NRXN3: variants seen among roughly 807,000 people sequenced by gnomAD.
The protein encoded by NRXN3 is neurexin III.
A neutral mutation model predicts 137.6 loss-of-function variants in NRXN3; 32 were observed. The ratio of observed to expected loss-of-function variants is 0.23; its 90% CI spans 0.18 to 0.31. The LOEUF is 0.31. Among genes scored for constraint, NRXN3 ranks in the 10% least tolerant of loss-of-function variants. The pLI, the probability that NRXN3 is intolerant of heterozygous loss-of-function variation, is 1.00. For missense variants in NRXN3, 1,574 were observed against 2,062.5 expected (o/e 0.76, Z 4.59); for synonymous variants, 798 against 784.5 (o/e 1.02, Z -0.29).
chr14:79,272,383 C>T (rs950314137), intron 15 of NRXN3, among the ~76,000 whole-genome samples: 5 of 151,968 alleles, frequency 3.3e-5, no homozygotes, highest in African/African-American at 7.3e-5. Flanking sequence ...ACAGGGGCTG[C>T]GGTTTCTTTG....
chr14:78,426,316 C>T (rs958069436), intron 4 of NRXN3, among the ~76,000 whole-genome samples: 1 of 152,148 alleles, frequency 6.6e-6, no homozygotes, highest in African/African-American at 2.4e-5. Flanking sequence ...TCCAGGGGCA[C>T]GTGAGGTACA....
intron 15 of NRXN3, chr14:79,072,012 G>A (rs1408498021): frequency 8.2e-6 from 1 of 121,970 alleles, no homozygotes; most frequent in Admixed American, 8.0e-5. Flanking sequence ...AGATAATAAA[G>A]TAATTACTAT....
intron 4 of NRXN3, among the ~76,000 whole-genome samples, chr14:78,428,492 T>C (rs1352308719): frequency 2.0e-5 from 3 of 152,062 alleles, no homozygotes; most frequent in African/African-American, 4.8e-5. Flanking sequence ...ACAGAACCAA[T>C]AGGATGTGTA....
chr14:79,196,283 A>G (rs8016735), intron 15 of NRXN3, among the ~76,000 whole-genome samples: 1 of 152,064 alleles, frequency 6.6e-6, no homozygotes, highest in Non-Finnish European at 1.5e-5. Context: ...GGGTAACTCA[A>G]AATGAACAGA....
chr14:78,756,317 A>G (rs947004520), intron 8 of NRXN3, among the ~76,000 whole-genome samples: 1 of 152,092 alleles, frequency 6.6e-6, no homozygotes. Context: ...GCAAAACCCT[A>G]TCTCTACTAA....
At chr14:79,730,547 A>C (rs1045714712) in intron 19 of NRXN3, among the ~76,000 whole-genome samples, 6 of 152,228 alleles carry the variant, frequency 3.9e-5, no homozygotes, top group Non-Finnish European at 7.3e-5. Context: ...AATTTTCTCT[A>C]TAAGATGAAT....
intron 19 of NRXN3, among the ~76,000 whole-genome samples, chr14:79,773,038 C>T (rs899530001): frequency 3.2e-4 from 48 of 152,116 alleles, no homozygotes; most frequent in African/African-American, 1.1e-3. Context: ...TGCTCACCAT[C>T]ACTGGCCATC....
At position 79,049,241 on chromosome 14, in the gene NRXN3, CAACT is replaced by C. The variant is rs1420553162; in HGVS notation, c.3262+61105_3262+61108del. On this transcript the variant is annotated intron_variant, in intron 15 of 20. Transcript: ENST00000335750. ...CTGTTAAGCCCAGCAGCTGCTTCAT[CAACT>C]AACTTTATATAATATTCTAAATTAT... 2.0e-5 allele frequency among the ~76,000 whole-genome samples: 3 copies of C among 151,812 alleles called. No homozygotes were observed. In the East Asian group the frequency reaches 5.8e-4, roughly 29 times the overall value.
chr14:79,117,662 A>G (rs2054684732), intron 15 of NRXN3, among the ~76,000 whole-genome samples: 1 of 152,076 alleles, frequency 6.6e-6, no homozygotes, highest in Admixed American at 6.5e-5. Context: ...AGGAAGGGCT[A>G]GTAGCAAACA....
At chr14:79,746,872 A>T (rs2098981342) in intron 19 of NRXN3, among the ~76,000 whole-genome samples, 1 of 151,954 alleles carries the variant, frequency 6.6e-6, no homozygotes, top group African/African-American at 2.4e-5. Context: ...AACTATTTAG[A>T]CAGTTACTTC....
chr14:79,366,827 G>T (rs2093912180), intron 15 of NRXN3, among the ~76,000 whole-genome samples: 1 of 152,126 alleles, frequency 6.6e-6, no homozygotes, highest in Non-Finnish European at 1.5e-5. Flanking sequence ...CTCGAACAGA[G>T]ATTTGATGAG....
chr14:78,425,609 T>C (rs8020600), intron 4 of NRXN3, among the ~76,000 whole-genome samples: 15,436 of 152,176 alleles, frequency 0.1, 1,049 homozygotes, highest in African/African-American at 0.17. Flanking sequence ...CTTCTTACCC[T>C]GAATGGAGAG....
At chr14:78,658,880 G>C (rs986426544) in intron 6 of NRXN3, among the ~76,000 whole-genome samples, 2 of 152,150 alleles carry the variant, frequency 1.3e-5, no homozygotes, top group Non-Finnish European at 2.9e-5. Context: ...AGTTGAGCAA[G>C]GTGGAAAGAA....
chr14:79,197,538 T>C (rs1391140971), intron 15 of NRXN3, among the ~76,000 whole-genome samples: 2 of 151,270 alleles, frequency 1.3e-5, no homozygotes, highest in African/African-American at 4.9e-5. Flanking sequence ...TTTCTTTTCT[T>C]ACTGTATCTG....
intron 4 of NRXN3, among the ~76,000 whole-genome samples, chr14:78,478,671 T>C (rs2095421110): frequency 6.6e-6 from 1 of 152,090 alleles, no homozygotes; most frequent in African/African-American, 2.4e-5. Flanking sequence ...AATGGGGCAA[T>C]TTAAAGAAGG....
intron 16 of NRXN3, among the ~76,000 whole-genome samples, chr14:79,585,054 A>G (rs1373026452): frequency 6.6e-6 from 1 of 152,244 alleles, no homozygotes; most frequent in Non-Finnish European, 1.5e-5. Flanking sequence ...ACTAGAGGGC[A>G]GGCATAGCCC....
chr14:79,238,459 C>A (rs1474171670), intron 15 of NRXN3, among the ~76,000 whole-genome samples: 1 of 151,888 alleles, frequency 6.6e-6, no homozygotes. Flanking sequence ...GGAGAGAAGG[C>A]GAACCTGAAA....
At chr14:78,374,869 C>A (rs2153622842) in intron 4 of NRXN3, among the ~76,000 whole-genome samples, 1 of 151,480 alleles carries the variant, frequency 6.6e-6, no homozygotes, top group Admixed American at 6.6e-5. Context: ...TTATTTGAGA[C>A]ATGTTCTATA....
At chr14:79,851,793 A>G (rs1034479990) in intron 20 of NRXN3, among the ~76,000 whole-genome samples, 3 of 152,146 alleles carry the variant, frequency 2.0e-5, no homozygotes, top group Non-Finnish European at 4.4e-5. Context: ...CTTCTACAGT[A>G]TCTTCCTCTC....
Sources: allele counts gnomAD v4.1 joint callset (sites outside exome capture counted in the v4.1 genomes callset), GRCh38; gene constraint gnomAD v4.1.1; transcripts MANE v1.5; gene names NCBI Gene and HGNC (gene_info 2026-07-23, HGNC 2026-07-21).